VPS33A: variants seen among roughly 807,000 people sequenced by gnomAD.
VPS33A encodes VPS33A core subunit of CORVET and HOPS complexes.
Under a neutral mutation model 71.8 loss-of-function variants are expected in VPS33A, and 32 were observed. The observed-to-expected ratio is 0.45, with a 90% CI of 0.34 to 0.60. The LOEUF (loss-of-function observed/expected upper bound fraction) is 0.60. Among genes scored for constraint, VPS33A ranks in the 20% least tolerant of loss-of-function variants. The probability of loss-of-function intolerance (pLI) is 0.02; values close to 1 mark genes in which losing one functional copy is unlikely to be tolerated. For synonymous variants in VPS33A, 311 were observed against 292.7 expected (o/e 1.06, Z -0.64); for missense variants, 625 against 748.5 (o/e 0.84, Z 1.92).
intron 8 of VPS33A, among the ~76,000 whole-genome samples, chr12:122,241,570 G>A (rs951152029): frequency 6.6e-6 from 1 of 150,794 alleles, no homozygotes; most frequent in Admixed American, 6.6e-5. Context: ...CTCCCAAAGT[G>A]GTGGGATTAC....
intron 10 of VPS33A, 139 bp from the exon 11 acceptor site, chr12:122,236,062 G>C: frequency 9.6e-7 from 1 of 1,045,764 alleles, no homozygotes; most frequent in South Asian, 1.7e-5. Flanking sequence ...TAGTGGATGG[G>C]CACAGAGGAC....
chr12:122,234,799 AGCTT>A (rs1954608034), intron 11 of VPS33A, among the ~76,000 whole-genome samples: 1 of 152,194 alleles, frequency 6.6e-6, no homozygotes, highest in African/African-American at 2.4e-5. Flanking sequence ...GTCACTGGCC[AGCTT>A]CCTCTGCTGG....
chr12:122,244,910 C>T (rs1228667458), intron 6 of VPS33A, 148 bp from the exon 7 acceptor site: 13 of 753,814 alleles, frequency 1.7e-5, no homozygotes, highest in Middle Eastern at 4.0e-4. Flanking sequence ...TTTCCATGAT[C>T]AAAGTACAGG....
intron 4 of VPS33A, among the ~76,000 whole-genome samples, chr12:122,260,628 A>G (rs1012622618): frequency 3.9e-5 from 6 of 152,160 alleles, no homozygotes; most frequent in African/African-American, 9.7e-5. Context: ...AATAAAGCTA[A>G]TATTTTAAAA....
At chr12:122,259,779 T>C (rs953152639) in intron 4 of VPS33A, among the ~76,000 whole-genome samples, 1 of 151,914 alleles carries the variant, frequency 6.6e-6, no homozygotes, top group Admixed American at 6.6e-5. Flanking sequence ...TTATGTATTA[T>C]AGAATTTCAT....
chr12:122,262,358 G>A (rs770831430), intron 3 of VPS33A, among the ~76,000 whole-genome samples: 1 of 152,154 alleles, frequency 6.6e-6, no homozygotes, highest in Non-Finnish European at 1.5e-5. Context: ...ATTGAAATAG[G>A]ATATCTGTGT....
At chr12:122,241,408 A>T (rs1024420542) in intron 8 of VPS33A, among the ~76,000 whole-genome samples, 1 of 151,644 alleles carries the variant, frequency 6.6e-6, no homozygotes, top group African/African-American at 2.4e-5. Flanking sequence ...CGGTTCAAGC[A>T]ATTCTCCTGC....
chr12:122,251,704 C>T (rs1473864932), intron 4 of VPS33A, among the ~76,000 whole-genome samples: 1 of 151,638 alleles, frequency 6.6e-6, no homozygotes, highest in Non-Finnish European at 1.5e-5. Context: ...TGTTCTCACT[C>T]ATAGGTGGGA....
rs540903871 is a variant in VPS33A, at chr12:122,242,078, T to C, written c.1096+304A>G. On this transcript the variant is annotated intron_variant, in intron 8 of 12. Transcript: ENST00000267199. Reference sequence around the variant, plus strand: ...GCATACCACTGTGCCTGGCTAATTTTTGTATTTGTAGTAGACATGGGGTTT... The same window carrying C: ...GCATACCACTGTGCCTGGCTAATTTCTGTATTTGTAGTAGACATGGGGTTT... Among the ~76,000 whole-genome samples, 10 of 152,002 alleles carry C rather than the reference T, an allele frequency of 6.6e-5. No individual in the cohort carries two copies. The South Asian group carries it at 1.9e-3, about 28-fold the overall frequency.
At position 122,231,849 on chromosome 12, in the gene VPS33A, G is replaced by C; in HGVS notation, c.*397C>G. Reference sequence around the variant, plus strand: ...AGGCAGGTGGATCACCTGAGGTCAGGAGTTTGAGACCAGCCTGGCCAACAT... The same window carrying C: ...AGGCAGGTGGATCACCTGAGGTCAGCAGTTTGAGACCAGCCTGGCCAACAT... On this transcript the variant is annotated 3_prime_UTR_variant, in exon 13 of 13. Coordinates refer to ENST00000267199, the MANE Select transcript of VPS33A (RefSeq NM_022916.6). 3.0e-6 allele frequency: 1 copy of C among 328,230 alleles called. No individual in the cohort carries two copies. The highest frequency in any genetic ancestry group is 5.5e-6 in the Non-Finnish European group (1 of 182,318). The allele number at this position is 328,230 out of a possible 1,614,324, so 20.3% of individuals were successfully genotyped here.
chr12:122,252,068 G>A (rs1323987495), intron 4 of VPS33A, among the ~76,000 whole-genome samples: 1 of 151,850 alleles, frequency 6.6e-6, no homozygotes, highest in Non-Finnish European at 1.5e-5. Flanking sequence ...GACCAGACTG[G>A]GCAACATAGT....
At chr12:122,240,548 T>C (rs1566040548) in intron 8 of VPS33A, among the ~76,000 whole-genome samples, 1 of 152,198 alleles carries the variant, frequency 6.6e-6, no homozygotes, top group Non-Finnish European at 1.5e-5. Context: ...CTCAAGAACA[T>C]TTCATTTTCA....
intron 8 of VPS33A, 140 bp from the exon 9 acceptor site, chr12:122,240,085 T>G (rs1954692907): frequency 4.6e-6 from 3 of 648,410 alleles, no homozygotes; most frequent in Middle Eastern, 4.3e-4. Flanking sequence ...CTCAGCACTG[T>G]AGGGGGCCGA....
rs1437828378 is a variant in VPS33A, at chr12:122,230,206, C to T, written c.*2040G>A. On this transcript the variant is annotated 3_prime_UTR_variant, in exon 13 of 13. Transcript: ENST00000267199. ...TCTTTCAATTATTATCTCTGCCACT[C>T]TTCATTCTTTCATTAAAGAGATTTT... The T allele has an allele frequency of 1.3e-5, 2 of 152,244 alleles. No homozygotes were observed. The highest frequency in any genetic ancestry group is 6.5e-5 in the Admixed American group (1 of 15,280). The allele number at this position is 152,244 out of a possible 1,614,324, so 9.4% of individuals were successfully genotyped here. A position where few individuals can be genotyped will look rare whatever the true frequency, so the allele number is the denominator to read the frequency against.
At chr12:122,257,011 T>C (rs930236862) in intron 4 of VPS33A, among the ~76,000 whole-genome samples, 23 of 152,088 alleles carry the variant, frequency 1.5e-4, no homozygotes, top group Admixed American at 1.4e-3. Context: ...CTACTACTTG[T>C]ACAAAAGTGG....
intron 2 of VPS33A, 34 bp downstream of exon 2, chr12:122,264,100 T>C: frequency 6.8e-7 from 1 of 1,472,664 alleles, no homozygotes; most frequent in Non-Finnish European, 9.2e-7. Flanking sequence ...ACAGAATTAT[T>C]AATCCCCTAA....
At chr12:122,234,594 G>C (rs1380741952) in intron 11 of VPS33A, among the ~76,000 whole-genome samples, 1 of 152,136 alleles carries the variant, frequency 6.6e-6, no homozygotes, top group Non-Finnish European at 1.5e-5. Flanking sequence ...GCCTGGCCAT[G>C]GCTGGCTTGT....
At position 122,266,454 on chromosome 12, in the gene VPS33A, G is replaced by A. The variant is rs1423122948; in HGVS notation, c.-46C>T. The A allele has an allele frequency of 1.3e-6, 2 of 1,585,192 alleles. No individual in the cohort carries two copies. The highest frequency in any genetic ancestry group is 8.6e-7 in the Non-Finnish European group (1 of 1,159,456). ...CCCACAACGCCAACCGAGTCCGCCG[G>A]TTCCTACGGGAGGACCACGGACGCA... On this transcript the variant is annotated 5_prime_UTR_variant, in exon 1 of 13. Coordinates refer to ENST00000267199, the MANE Select transcript of VPS33A (RefSeq NM_022916.6).
Position 122,232,325 on chromosome 12 carries a change from C to T in VPS33A, c.1712G>A (p.Gly571Asp). The change falls in exon 13 of 13, where the codon GGT becomes GAT. Residue 571 changes from glycine to aspartate, a missense_variant. Coordinates refer to ENST00000267199, the MANE Select transcript of VPS33A (RefSeq NM_022916.6). ...AGTGGTGGCAATGACATATTCTGTA[C>T]CTCCATCTTCCAACTGGGAGAGAAA... The part of the protein sequence containing the change: ...LRFLSQLEDG[G>D]TEYVIATTKL... 6.2e-7 allele frequency: 1 copy of T among 1,614,210 alleles called. No individual in the cohort carries two copies. The highest frequency in any genetic ancestry group is 8.5e-7 in the Non-Finnish European group (1 of 1,180,044).
Sources: gnomAD v4.1 joint callset for allele counts (sites outside exome capture counted in the v4.1 genomes callset) on GRCh38, gnomAD v4.1.1 for gene constraint, MANE v1.5 for transcripts, NCBI Gene and HGNC (gene_info 2026-07-23, HGNC 2026-07-21) for gene names.